CEP112: variants seen among roughly 807,000 people sequenced by gnomAD.
CEP112 encodes centrosomal protein 112.
CEP112 carries 127 observed loss-of-function variants against 153.0 expected under a neutral mutation model. The ratio of observed to expected loss-of-function variants is 0.83; its 90% confidence interval spans 0.72 to 0.96. The LOEUF (loss-of-function observed/expected upper bound fraction) is 0.96, where lower values mean the gene tolerates loss of function less well. Among genes scored for constraint, CEP112 ranks in the 40% least tolerant of loss-of-function variants. The probability of loss-of-function intolerance (pLI) is 0.00; values close to 1 mark genes in which losing one functional copy is unlikely to be tolerated. For missense variants in CEP112, 1,089 were observed against 1,101.2 expected (o/e 0.99, Z 0.16); for synonymous variants, 358 against 374.4 (o/e 0.96, Z 0.51).
In CEP112 at chr17:66,044,714, G is replaced by A. The variant is rs9901720; in HGVS notation, c.1218+9022C>T. On this transcript the variant is annotated intron_variant, in intron 12 of 26. Transcript: ENST00000535342. ...GAACTGAATAAAGACGGCAAATGGA[G>A]AATTATTGTTTACTGGGTACAAAGT... 1.6e-4 allele frequency among the ~76,000 whole-genome samples: 25 copies of A among 152,282 alleles called. No homozygotes were observed. In the East Asian group the frequency reaches 4.0e-3, roughly 25 times the overall value.
intron 21 of CEP112, among the ~76,000 whole-genome samples, chr17:65,776,360 G>A (rs1378150126): frequency 2.0e-5 from 3 of 152,066 alleles, no homozygotes; most frequent in African/African-American, 4.8e-5. Context: ...TCAGCCTCCC[G>A]AGTATCTGGG....
At chr17:65,685,677 T>C (rs1168035457) in intron 24 of CEP112, among the ~76,000 whole-genome samples, 1 of 146,604 alleles carries the variant, frequency 6.8e-6, no homozygotes, top group Non-Finnish European at 1.5e-5. Flanking sequence ...ATTTTTTTTT[T>C]TTTTTTTTTT....
At chr17:65,661,517 C>A (rs2046384032) in intron 24 of CEP112, among the ~76,000 whole-genome samples, 1 of 152,114 alleles carries the variant, frequency 6.6e-6, no homozygotes, top group Non-Finnish European at 1.5e-5. Flanking sequence ...TCTTCCTTAC[C>A]CGAGAGCCTC....
At chr17:65,808,643 T>A (rs1272703606) in intron 21 of CEP112, among the ~76,000 whole-genome samples, 1 of 152,072 alleles carries the variant, frequency 6.6e-6, no homozygotes, top group African/African-American at 2.4e-5. Flanking sequence ...TGTATAGCAC[T>A]TCCCCCTTCT....
chr17:66,142,880 A>C (rs1370552992), intron 4 of CEP112, among the ~76,000 whole-genome samples: 1 of 152,126 alleles, frequency 6.6e-6, no homozygotes, highest in Non-Finnish European at 1.5e-5. Context: ...ATTGTTGTGA[A>C]AAAAGCCGTT....
At chr17:65,879,104 T>G (rs947004725) in intron 20 of CEP112, among the ~76,000 whole-genome samples, 1 of 152,226 alleles carries the variant, frequency 6.6e-6, no homozygotes, top group Admixed American at 6.5e-5. Flanking sequence ...AAATGTTACC[T>G]TATATGTGAA....
chr17:66,132,303 T>C (rs2070221426), intron 5 of CEP112, among the ~76,000 whole-genome samples: 1 of 151,286 alleles, frequency 6.6e-6, no homozygotes, highest in Non-Finnish European at 1.5e-5. Context: ...ACAGTTTACC[T>C]TCATTAGAAA....
chr17:65,967,232 G>C (rs1448570646), intron 17 of CEP112, among the ~76,000 whole-genome samples: 1 of 152,164 alleles, frequency 6.6e-6, no homozygotes, highest in Non-Finnish European at 1.5e-5. Context: ...AAGCATGTTA[G>C]TTATAAATAG....
chr17:66,031,298 AT>A (rs1454013966), intron 12 of CEP112, among the ~76,000 whole-genome samples: 1 of 151,966 alleles, frequency 6.6e-6, no homozygotes, highest in Non-Finnish European at 1.5e-5. Context: ...AATAAAGATG[AT>A]TTGTATTCCT....
intron 23 of CEP112, among the ~76,000 whole-genome samples, chr17:65,736,140 T>A (rs2050791921): frequency 2.0e-5 from 3 of 152,022 alleles, no homozygotes. Context: ...GAAGGTAGGA[T>A]CTAGTGATTG....
intron 12 of CEP112, among the ~76,000 whole-genome samples, chr17:66,032,035 T>G (rs1673503790): frequency 1.3e-5 from 2 of 152,258 alleles, no homozygotes; most frequent in African/African-American, 2.4e-5. Flanking sequence ...TTTTTCTTTT[T>G]GGAGATGGAG....
At chr17:65,817,760 T>C (rs1170283058) in intron 21 of CEP112, among the ~76,000 whole-genome samples, 1 of 151,882 alleles carries the variant, frequency 6.6e-6, no homozygotes, top group African/African-American at 2.4e-5. Context: ...TTAAAAATCA[T>C]GCTGAAACAC....
chr17:66,038,074 C>G (rs2065810887), intron 12 of CEP112, among the ~76,000 whole-genome samples: 1 of 133,246 alleles, frequency 7.5e-6, no homozygotes, highest in South Asian at 2.2e-4. Context: ...TGTACTCTAG[C>G]CTGGCAACAG....
intron 20 of CEP112, among the ~76,000 whole-genome samples, chr17:65,890,689 T>G (rs938532762): frequency 2.2e-4 from 34 of 152,188 alleles, no homozygotes; most frequent in Admixed American, 2.2e-3. Context: ...CAGGCAGGTG[T>G]ACAGTCAATG....
At chr17:66,072,598 C>G (rs945728132) in intron 8 of CEP112, among the ~76,000 whole-genome samples, 11 of 152,136 alleles carry the variant, frequency 7.2e-5, no homozygotes, top group African/African-American at 2.7e-4. Context: ...GATACTGTGT[C>G]CTTTTTCATT....
rs1253642439 is a variant in CEP112, at chr17:66,078,583, T to C, written c.769-8582A>G. ...TTTTATATCTTTTATGTGGAGCATT[T>C]AGGCCATTTACATGCAATGTTAGTA... On this transcript the variant is annotated intron_variant, in intron 8 of 26. Transcript: ENST00000535342. 2.0e-5 allele frequency among the ~76,000 whole-genome samples: 3 copies of C among 152,174 alleles called. No homozygotes were observed. In the East Asian group the frequency reaches 5.8e-4, roughly 29 times the overall value.
At chr17:65,971,831 A>G (rs1278578619) in intron 17 of CEP112, among the ~76,000 whole-genome samples, 1 of 152,234 alleles carries the variant, frequency 6.6e-6, no homozygotes, top group Non-Finnish European at 1.5e-5. Flanking sequence ...CCAACACTAA[A>G]GAAAGTAAAT....
intron 8 of CEP112, among the ~76,000 whole-genome samples, chr17:66,084,482 A>G (rs878983236): frequency 2.0e-5 from 3 of 152,230 alleles, no homozygotes; most frequent in Non-Finnish European, 4.4e-5. Context: ...CCCAGCTATT[A>G]AAAAGAATGA....
At chr17:66,130,642 G>A (rs1035824838) in intron 5 of CEP112, among the ~76,000 whole-genome samples, 2 of 152,002 alleles carry the variant, frequency 1.3e-5, no homozygotes, top group Non-Finnish European at 2.9e-5. Context: ...CGGGCGTGGT[G>A]GTGGGCACCT....
Sources: gnomAD v4.1 joint callset for allele counts (sites outside exome capture counted in the v4.1 genomes callset) on GRCh38, gnomAD v4.1.1 for gene constraint, MANE v1.5 for transcripts, NCBI Gene and HGNC (gene_info 2026-07-23, HGNC 2026-07-21) for gene names.